Variants in SCN11A observed in about 807,000 individuals in gnomAD.
SCN11A encodes sodium voltage-gated channel alpha subunit 11, also known as sodium channel protein type 11 subunit alpha.
A neutral mutation model predicts 162.2 loss-of-function variants in SCN11A; 122 were observed. That is an observed-to-expected ratio of 0.75 (90% CI 0.65 to 0.87). The LOEUF (loss-of-function observed/expected upper bound fraction) is 0.87. Ranked by LOEUF, SCN11A falls within the 40% of genes least tolerant of loss-of-function variation. SCN11A has a pLI of 0.00. For missense variants in SCN11A, 2,015 were observed against 2,181.6 expected, an observed-to-expected ratio of 0.92 and a Z score of 1.52; for synonymous variants, 758 against 751.5, an observed-to-expected ratio of 1.01 and a Z score of -0.14.
In SCN11A at chr3:38,921,144, A is replaced by G. The variant is rs748750216; in HGVS notation, c.824T>C (p.Phe275Ser). The change falls in exon 10 of 30, where the codon TTC (phenylalanine) becomes TCC (serine). Residue 275 changes from phenylalanine to serine, a missense_variant. Phe to Ser is a radical substitution (Grantham distance 155). Coordinates refer to ENST00000302328, the MANE Select transcript of SCN11A (RefSeq NM_001349253.2). ...GCATTTCAGGTTCAGACTTCCCATG[A>G]AGAGCTGCTGACCTACCAGGGCAAA... ...SIFALVGQQL[F>S]MGSLNLKCIS... 1 of 1,613,994 alleles carries G rather than the reference A, an allele frequency of 6.2e-7. No homozygotes were observed. The highest frequency in any genetic ancestry group is 8.5e-7 in the Non-Finnish European group (1 of 1,179,966).
At chr3:38,984,827 T>C (rs1050763474) in intron 2 of SCN11A, among the ~76,000 whole-genome samples, 1 of 152,040 alleles carries the variant, frequency 6.6e-6, no homozygotes, top group African/African-American at 2.4e-5. Flanking sequence ...CGTGTTGAGC[T>C]TTCAATGAAG....
In SCN11A at chr3:38,846,623, C is replaced by A; in HGVS notation, c.*71G>T. On this transcript the variant is annotated 3_prime_UTR_variant, in exon 30 of 30. Transcript: ENST00000302328. ...ATCCACTCCCTGTTGATACACTAAG[C>A]TGCTGACCCCTGGAGCTCAGAGGCT... 8.2e-7 allele frequency: 1 copy of A among 1,224,978 alleles called. No homozygotes were observed. Among genetic ancestry groups the A allele is most frequent in the Non-Finnish European group, 1.2e-6 (1 of 846,704 alleles). 75.9% of individuals were successfully genotyped at this position (1,224,978 alleles called of 1,614,324 possible).
chr3:38,941,940 A>G (rs1333554576), intron 7 of SCN11A, among the ~76,000 whole-genome samples: 2 of 152,166 alleles, frequency 1.3e-5, no homozygotes, highest in East Asian at 3.8e-4. Flanking sequence ...GCAAAAACCA[A>G]CTATATGTTG....
At chr3:38,951,775 T>C (rs916893417) in intron 4 of SCN11A, among the ~76,000 whole-genome samples, 1 of 152,176 alleles carries the variant, frequency 6.6e-6, no homozygotes, top group African/African-American at 2.4e-5. Flanking sequence ...GTCTATACTC[T>C]GTATCTAACT....
intron 26 of SCN11A, among the ~76,000 whole-genome samples, chr3:38,867,798 GA>G (rs1392059547): frequency 2.6e-5 from 4 of 152,142 alleles, no homozygotes; most frequent in African/African-American, 7.2e-5. Context: ...TATGTAACTG[GA>G]GGGAACCTGA....
At chr3:38,931,328 T>G (rs1347537701) in intron 7 of SCN11A, among the ~76,000 whole-genome samples, 2 of 152,036 alleles carry the variant, frequency 1.3e-5, no homozygotes, top group Admixed American at 1.3e-4. Flanking sequence ...GGGAGAAGAA[T>G]TCTCCAGAGA....
intron 28 of SCN11A, among the ~76,000 whole-genome samples, chr3:38,856,878 C>A (rs2064878520): frequency 6.6e-6 from 1 of 152,124 alleles, no homozygotes; most frequent in African/African-American, 2.4e-5. Context: ...CACAATGACT[C>A]TTTATAACTA....
intron 7 of SCN11A, among the ~76,000 whole-genome samples, chr3:38,939,398 G>C (rs1255112513): frequency 1.3e-5 from 2 of 151,916 alleles, no homozygotes; most frequent in South Asian, 2.1e-4. Flanking sequence ...TGAACAAAAT[G>C]ATAAATGAGA....
intron 7 of SCN11A, among the ~76,000 whole-genome samples, chr3:38,938,452 G>A: frequency 7.7e-6 from 1 of 130,680 alleles, no homozygotes; most frequent in Non-Finnish European, 1.6e-5. Context: ...TTTAGAAAAT[G>A]TTATGTCCTA....
chr3:38,942,622 T>C (rs1364497236), intron 7 of SCN11A, among the ~76,000 whole-genome samples: 1 of 152,106 alleles, frequency 6.6e-6, no homozygotes, highest in African/African-American at 2.4e-5. Context: ...GAAGAAATCA[T>C]GAGAAAATGT....
In SCN11A at chr3:38,897,017, GA is replaced by G. The variant is rs1559515746; in HGVS notation, c.2230del (p.Ser744HisfsTer16). 1 of 1,614,120 alleles carries G rather than the reference GA, an allele frequency of 6.2e-7. No homozygotes were observed. The highest frequency in any genetic ancestry group is 8.5e-7 in the Non-Finnish European group (1 of 1,180,020). Reference sequence around the variant, plus strand: ...CCCCATGTGCCAGTGCCGTAAACATGAGACTGTCGGGCCTGTCGGGTTACAG... The same window carrying G: ...CCCCATGTGCCAGTGCCGTAAACATGGACTGTCGGGCCTGTCGGGTTACAG... ...KLCNPTGPTV[S>X]CLRHWHMGDF... On this transcript the variant is annotated frameshift_variant, in exon 18 of 30. Coordinates refer to ENST00000302328, the MANE Select transcript of SCN11A (RefSeq NM_001349253.2). LOFTEE classifies it high-confidence loss of function.
chr3:38,874,731 C>T (rs1373761371), intron 23 of SCN11A, among the ~76,000 whole-genome samples: 1 of 128,392 alleles, frequency 7.8e-6, no homozygotes, highest in Non-Finnish European at 1.7e-5. Context: ...TTCTCCCATT[C>T]TTACTCTGGG....
intron 2 of SCN11A, among the ~76,000 whole-genome samples, chr3:39,022,098 CCTGT>C (rs969272711): frequency 1.3e-5 from 2 of 152,110 alleles, no homozygotes; most frequent in Non-Finnish European, 2.9e-5. Context: ...GTAGTTCTGG[CCTGT>C]CTAAGGAGAA....
At chr3:39,003,701 T>C (rs1232162315) in intron 2 of SCN11A, among the ~76,000 whole-genome samples, 2 of 152,196 alleles carry the variant, frequency 1.3e-5, no homozygotes, top group Non-Finnish European at 2.9e-5. Context: ...GTTCTTTTTT[T>C]ACTTTTTAGT....
At chr3:39,033,749 T>G (rs973509617) in intron 1 of SCN11A, among the ~76,000 whole-genome samples, 3 of 152,308 alleles carry the variant, frequency 2.0e-5, no homozygotes, top group East Asian at 3.9e-4. Context: ...TTCAAGCAAC[T>G]GCAAATAAAA....
chr3:38,855,252 T>A (rs1393399406), intron 28 of SCN11A, among the ~76,000 whole-genome samples: 1 of 152,134 alleles, frequency 6.6e-6, no homozygotes, highest in Admixed American at 6.5e-5. Context: ...CTACTGGCTA[T>A]CCCCCACTTC....
intron 28 of SCN11A, among the ~76,000 whole-genome samples, chr3:38,860,784 T>C (rs542437869): frequency 6.6e-6 from 1 of 152,140 alleles, no homozygotes; most frequent in Non-Finnish European, 1.5e-5. Flanking sequence ...GCCAACATCA[T>C]ACTGAACAGG....
At chr3:39,031,947 G>A (rs1477478963) in intron 2 of SCN11A, among the ~76,000 whole-genome samples, 2 of 151,986 alleles carry the variant, frequency 1.3e-5, no homozygotes, top group Non-Finnish European at 2.9e-5. Context: ...ATATTTTACA[G>A]TGAAGGAAAA....
intron 2 of SCN11A, among the ~76,000 whole-genome samples, chr3:38,980,330 T>C (rs1432874219): frequency 6.6e-6 from 1 of 152,164 alleles, no homozygotes; most frequent in East Asian, 1.9e-4. Context: ...GGGAAAAGAA[T>C]GGCAGAAACA....
Sources: allele counts gnomAD v4.1 joint callset (sites outside exome capture counted in the v4.1 genomes callset), GRCh38; gene constraint gnomAD v4.1.1; transcripts MANE v1.5; gene names NCBI Gene and HGNC (gene_info 2026-07-23, HGNC 2026-07-21).